Variants in SRSF10 observed in about 807,000 individuals in gnomAD.
SRSF10 encodes the protein serine and arginine rich splicing factor 10.
In SRSF10, 9 loss-of-function variants were observed where a neutral mutation model predicts 32.6. The ratio of observed to expected loss-of-function variants is 0.28; its 90% CI spans 0.17 to 0.48. The LOEUF is 0.48. Among genes scored for constraint, SRSF10 ranks in the 20% least tolerant of loss-of-function variants. The pLI, the probability that SRSF10 is intolerant of heterozygous loss-of-function variation, is 0.99. For missense variants in SRSF10, 201 were observed against 331.8 expected, an observed-to-expected ratio of 0.61 and a Z score of 3.06; for synonymous variants, 105 against 112.4, an observed-to-expected ratio of 0.93 and a Z score of 0.42.
At chr1:23,972,142 C>T in intron 3 of SRSF10, 130 bp from the exon 4 acceptor site, 1 of 738,294 alleles carries the variant, frequency 1.4e-6, no homozygotes, top group Non-Finnish European at 2.0e-6. Context: ...CGGGTGGTGG[C>T]TCACACCTGT....
rs1218110848 is a variant in SRSF10, at chr1:23,970,444, T to C, written c.*698A>G. 1 of 752,674 alleles carries C rather than the reference T, an allele frequency of 1.3e-6. No homozygotes were observed. Among genetic ancestry groups the C allele is most frequent in the African/African-American group, 1.9e-5 (1 of 51,888 alleles). The allele number at this position is 752,674 out of a possible 1,614,324, so 46.6% of individuals were successfully genotyped here. On this transcript the variant is annotated 3_prime_UTR_variant, in exon 6 of 6. Coordinates refer to ENST00000492112, the MANE Select transcript of SRSF10 (RefSeq NM_054016.4). ...GGCGTGATTTTGGCTCACTGCAACT[T>C]CTACCTCCCAGGTTCAAGCGATTCT... is the stretch of plus-strand genomic sequence containing the variant.
Position 23,970,110 on chromosome 1 carries a change from G to A in SRSF10, c.*1032C>T. On this transcript the variant is annotated 3_prime_UTR_variant, in exon 6 of 6. Transcript: ENST00000492112. ...GGTCAACAACGCTCCTTAAACTTTAGAATAACTACATAAGAATATTCCTTT... is the reference window on the plus strand; with the variant it reads ...GGTCAACAACGCTCCTTAAACTTTAAAATAACTACATAAGAATATTCCTTT... The A allele has an allele frequency of 1.0e-6, 1 of 985,316 alleles. No individual in the cohort carries two copies. Among genetic ancestry groups the A allele is most frequent in the Non-Finnish European group, 1.2e-6 (1 of 829,880 alleles). 61.0% of individuals were successfully genotyped at this position (985,316 alleles called of 1,614,324 possible). A position where few individuals can be genotyped will look rare whatever the true frequency, so the allele number is the denominator to read the frequency against.
intron 1 of SRSF10, among the ~76,000 whole-genome samples, chr1:23,979,260 CTAACG>C (rs1642292379): frequency 6.6e-6 from 1 of 151,742 alleles, no homozygotes. Context: ...TCTCTAGATG[CTAACG>C]TAACTATTAG....
chr1:23,978,550 T>TA (rs1642220299), intron 2 of SRSF10, 163 bp downstream of exon 2: 1 of 916,726 alleles, frequency 1.1e-6, no homozygotes, highest in Admixed American at 3.5e-5. Context: ...GGATTAACTT[T>TA]AATAACGAGA....
chr1:23,969,374 T>C lies in SRSF10; in HGVS notation c.*1768A>G. 1 of 985,726 alleles carries C rather than the reference T, an allele frequency of 1.0e-6. No individual in the cohort carries two copies. Among genetic ancestry groups the C allele is most frequent in the Non-Finnish European group, 1.2e-6 (1 of 829,798 alleles). The allele number at this position is 985,726 out of a possible 1,614,324, so 61.1% of individuals were successfully genotyped here. On this transcript the variant is annotated 3_prime_UTR_variant, in exon 6 of 6. Transcript: ENST00000492112. ...TCTAAAAAAATTAAAGAAACGTGCA[T>C]ATAAACGATTGCATAGCAGAACATG...
At chr1:23,976,055 G>A (rs1373379576) in intron 2 of SRSF10, 2 of 152,146 alleles carry the variant, frequency 1.3e-5, no homozygotes, top group Non-Finnish European at 2.9e-5. Flanking sequence ...TTTAACAGAG[G>A]CCAAGTACAC....
rs1273094097 is a variant in SRSF10 at position 23,969,296 on chromosome 1, C to CG, written c.*1845_*1846insC. 1.0e-6 allele frequency: 1 copy of CG among 985,080 alleles called. No individual in the cohort carries two copies. The highest frequency in any genetic ancestry group is 1.7e-5 in the African/African-American group (1 of 57,218). 61.0% of individuals were successfully genotyped at this position (985,080 alleles called of 1,614,324 possible). The stretch of plus-strand genomic sequence containing the variant: ...TCCTCTTTGCTAGAACTGTAAACTA[C>CG]TGCTACAGTTTTAAATAGACTTTTT... On this transcript the variant is annotated 3_prime_UTR_variant, in exon 6 of 6. Transcript: ENST00000492112.
At position 23,965,162 on chromosome 1, in the gene SRSF10, A is replaced by G. The variant is rs1472766309; in HGVS notation, c.*5980T>C. 1 of 152,134 alleles carries G rather than the reference A, an allele frequency of 6.6e-6. No homozygotes were observed. The highest frequency in any genetic ancestry group is 1.9e-4 in the East Asian group (1 of 5,180). The allele number at this position is 152,134 out of a possible 1,614,324, so 9.4% of individuals were successfully genotyped here. A position where few individuals can be genotyped will look rare whatever the true frequency, so the allele number is the denominator to read the frequency against. ...TTCATCCTATTTATCAAGTCATCCTATCTAAAATGAGAATAGTTCATGCCT... is the reference window on the plus strand; with the variant it reads ...TTCATCCTATTTATCAAGTCATCCTGTCTAAAATGAGAATAGTTCATGCCT... On this transcript the variant is annotated 3_prime_UTR_variant, in exon 6 of 6. Coordinates refer to ENST00000492112, the MANE Select transcript of SRSF10 (RefSeq NM_054016.4).
chr1:23,969,377 A>T lies in SRSF10; in HGVS notation c.*1765T>A. 1 of 985,770 alleles carries T rather than the reference A, an allele frequency of 1.0e-6. No homozygotes were observed. The highest frequency in any genetic ancestry group is 1.2e-6 in the Non-Finnish European group (1 of 829,828). The allele number at this position is 985,770 out of a possible 1,614,324, so 61.1% of individuals were successfully genotyped here. ...AAAAAAATTAAAGAAACGTGCATATAAACGATTGCATAGCAGAACATGAAC... is the reference window on the plus strand; with the variant it reads ...AAAAAAATTAAAGAAACGTGCATATTAACGATTGCATAGCAGAACATGAAC... On this transcript the variant is annotated 3_prime_UTR_variant, in exon 6 of 6. Coordinates refer to ENST00000492112, the MANE Select transcript of SRSF10 (RefSeq NM_054016.4).
chr1:23,973,762 A>G (rs1641912707), intron 3 of SRSF10, among the ~76,000 whole-genome samples: 1 of 152,232 alleles, frequency 6.6e-6, no homozygotes, highest in African/African-American at 2.4e-5. Context: ...CAGTGTCAAC[A>G]TGCAGTAATA....
intron 1 of SRSF10, among the ~76,000 whole-genome samples, 163 bp downstream of exon 1, chr1:23,980,028 G>A (rs61772996): frequency 0.46 from 70,144 of 152,174 alleles, 16,353 homozygotes; most frequent in South Asian, 0.64. Flanking sequence ...CTCCCACGCG[G>A]CGGCTGAGGC....
Position 23,969,384 on chromosome 1 carries a change from T to A in SRSF10, c.*1758A>T, listed in dbSNP as rs1641614575. ...TTAAAGAAACGTGCATATAAACGAT[T>A]GCATAGCAGAACATGAACATTAACT... On this transcript the variant is annotated 3_prime_UTR_variant, in exon 6 of 6. Transcript: ENST00000492112. 1.0e-6 allele frequency: 1 copy of A among 985,738 alleles called. No individual in the cohort carries two copies. The highest frequency in any genetic ancestry group is 1.2e-6 in the Non-Finnish European group (1 of 829,828). 61.1% of individuals were successfully genotyped at this position (985,738 alleles called of 1,614,324 possible). A position where few individuals can be genotyped will look rare whatever the true frequency, so the allele number is the denominator to read the frequency against.
rs1641431022 is a variant in SRSF10 at position 23,965,979 on chromosome 1, A to T, written c.*5163T>A. 6.6e-6 allele frequency: 1 copy of T among 151,950 alleles called. No homozygotes were observed. Among genetic ancestry groups the T allele is most frequent in the South Asian group, 2.1e-4 (1 of 4,832 alleles). 9.4% of individuals were successfully genotyped at this position (151,950 alleles called of 1,614,324 possible). A position where few individuals can be genotyped will look rare whatever the true frequency, so the allele number is the denominator to read the frequency against. On this transcript the variant is annotated 3_prime_UTR_variant, in exon 6 of 6. Transcript: ENST00000492112. Reference sequence around the variant, plus strand: ...TGTTAATGAGTGTATAACGGTATACAACAAAATACTTTTTGTAATTAAATC... The same window carrying T: ...TGTTAATGAGTGTATAACGGTATACTACAAAATACTTTTTGTAATTAAATC...
In SRSF10 at chr1:23,971,865, G is replaced by A. The variant is rs867013895; in HGVS notation, c.422C>T (p.Ser141Leu). The A allele has an allele frequency of 8.7e-6, 14 of 1,607,322 alleles. No individual in the cohort carries two copies. The highest frequency in any genetic ancestry group is 1.7e-5 in the Admixed American group (1 of 57,874). ...GCACACTTACTTTCTAGGACTATAC[G>A]ATCTTCTATAGTTGTAATCAAAAGA... ...SRSFDYNYRR[S>L]YSPRNSRPTG... Residue 141 changes from serine (S) to leucine (L), a missense_variant, in exon 4 of 6, where the codon TCG becomes TTG. By Grantham distance (145) the Ser-to-Leu change is moderately radical (BLOSUM62 -2). Around this residue, in one of 3 missense-constraint regions of SRSF10, gnomAD observed 159 missense variants for 196.7 expected, o/e 0.81. Coordinates refer to ENST00000492112, the MANE Select transcript of SRSF10 (RefSeq NM_054016.4).
intron 2 of SRSF10, 130 bp from the exon 3 acceptor site, chr1:23,975,207 A>G: frequency 1.3e-6 from 1 of 741,776 alleles, no homozygotes; most frequent in Non-Finnish European, 2.4e-6. Context: ...CCCACTTACT[A>G]GTTGGTGATT....
Position 23,967,960 on chromosome 1 carries a change from C to A in SRSF10, c.*3182G>T, listed in dbSNP as rs533794447. 1.2e-3 allele frequency: 1,789 copies of A among 1,446,014 alleles called. No homozygotes were observed. Among genetic ancestry groups the A allele is most frequent in the Admixed American group, 6.0e-3 (267 of 44,640 alleles). 89.6% of individuals were successfully genotyped at this position (1,446,014 alleles called of 1,614,324 possible). A position where few individuals can be genotyped will look rare whatever the true frequency, so the allele number is the denominator to read the frequency against. On this transcript the variant is annotated 3_prime_UTR_variant, in exon 6 of 6. Transcript: ENST00000492112. ...ATTTTTCTTCTTGCTTACTTGGCTT[C>A]AAAAAAAAAAAAAAAATGCAGAGAG...
Position 23,966,004 on chromosome 1 carries a change from C to T in SRSF10, c.*5138G>A, listed in dbSNP as rs2148491585. The stretch of plus-strand genomic sequence containing the variant: ...AACAAAATACTTTTTGTAATTAAAT[C>T]TAGTCACTTTGACTCTAAGTAAATT... On this transcript the variant is annotated 3_prime_UTR_variant, in exon 6 of 6. Coordinates refer to ENST00000492112, the MANE Select transcript of SRSF10 (RefSeq NM_054016.4). 6.6e-6 allele frequency: 1 copy of T among 151,950 alleles called. No homozygotes were observed. The highest frequency in any genetic ancestry group is 2.4e-5 in the African/African-American group (1 of 41,512). 9.4% of individuals were successfully genotyped at this position (151,950 alleles called of 1,614,324 possible).
chr1:23,973,477 T>G (rs1641894962), intron 3 of SRSF10, among the ~76,000 whole-genome samples: 1 of 152,198 alleles, frequency 6.6e-6, no homozygotes, highest in East Asian at 1.9e-4. Context: ...CTATCAAGCC[T>G]GGCTAATTTT....
chr1:23,964,834 C>T lies in SRSF10; in HGVS notation c.*6308G>A, dbSNP rs2148490111. On this transcript the variant is annotated 3_prime_UTR_variant, in exon 6 of 6. Transcript: ENST00000492112. ...TTTTGGCTCCTAGACCAGTTTATTT[C>T]ACTTTCCAGCATTCAAAGAAATGTG... is the stretch of plus-strand genomic sequence containing the variant. The T allele has an allele frequency of 6.6e-6, 1 of 152,068 alleles. No individual in the cohort carries two copies. The highest frequency in any genetic ancestry group is 2.1e-4 in the South Asian group (1 of 4,832). 9.4% of individuals were successfully genotyped at this position (152,068 alleles called of 1,614,324 possible). A position where few individuals can be genotyped will look rare whatever the true frequency, so the allele number is the denominator to read the frequency against.
Sources: gnomAD v4.1 joint callset for allele counts (sites outside exome capture counted in the v4.1 genomes callset) on GRCh38, gnomAD v4.1.1 for gene constraint, gnomAD v4.1.1 regional missense constraint, MANE v1.5 for transcripts, NCBI Gene and HGNC (gene_info 2026-07-23, HGNC 2026-07-21) for gene names.